TDRD7: variants seen among roughly 807,000 people sequenced by gnomAD.
TDRD7 encodes tudor domain containing 7.
TDRD7 carries 47 observed loss-of-function variants against 109.8 expected under a neutral mutation model. The observed-to-expected ratio is 0.43, with a 90% CI of 0.34 to 0.55. The LOEUF is 0.55. TDRD7 is among the 20% of genes least tolerant of loss of function. TDRD7 has a pLI of 0.03. For synonymous variants in TDRD7, 424 were observed against 457.3 expected (o/e 0.93, Z 0.93); for missense variants, 1,164 against 1,319.2 (o/e 0.88, Z 1.82).
chr9:97,443,751 C>T (rs891708872), intron 6 of TDRD7, among the ~76,000 whole-genome samples: 12 of 152,164 alleles, frequency 7.9e-5, no homozygotes, highest in Admixed American at 2.0e-4. Context: ...TAGGGGATAC[C>T]TGTGCAGGTT....
rs180678664 is a variant in TDRD7 at position 97,486,242 on chromosome 9, T to C, written c.2916-930T>C. 3.2e-4 allele frequency among the ~76,000 whole-genome samples: 48 copies of C among 152,324 alleles called. 2 individuals are homozygous for C. The East Asian group carries it at 6.4e-3, about 20-fold the overall frequency. ...AGACCACCTCCATAGACACTTTCTTTCAGCTGTTAGGAACAATCTTCCTTT... is the reference window on the plus strand; with the variant it reads ...AGACCACCTCCATAGACACTTTCTTCCAGCTGTTAGGAACAATCTTCCTTT... On this transcript the variant is annotated intron_variant, in intron 15 of 16. Coordinates refer to ENST00000355295, the MANE Select transcript of TDRD7 (RefSeq NM_014290.3).
chr9:97,439,942 C>T (rs1828272741), intron 5 of TDRD7, among the ~76,000 whole-genome samples: 1 of 152,062 alleles, frequency 6.6e-6, no homozygotes, highest in Non-Finnish European at 1.5e-5. Flanking sequence ...ATAGACCCAC[C>T]CAGGGAGACA....
chr9:97,430,789 T>C (rs1414375270), intron 2 of TDRD7, 144 bp from the exon 3 acceptor site: 5 of 942,574 alleles, frequency 5.3e-6, no homozygotes, highest in Non-Finnish European at 8.4e-6. Context: ...CTTCTAGCAT[T>C]ATCAAGGAGC....
At chr9:97,490,634 C>A (rs183715881) in intron 16 of TDRD7, among the ~76,000 whole-genome samples, 1 of 148,858 alleles carries the variant, frequency 6.7e-6, no homozygotes, top group South Asian at 2.1e-4. Context: ...TGGAGAAATT[C>A]TCAGTCATTA....
At chr9:97,444,281 A>AATC (rs1306117082) in intron 6 of TDRD7, among the ~76,000 whole-genome samples, 4 of 152,306 alleles carry the variant, frequency 2.6e-5, no homozygotes, top group Admixed American at 1.3e-4. Context: ...GTTCAGATAT[A>AATC]ATCAGTACCA....
intron 1 of TDRD7, among the ~76,000 whole-genome samples, chr9:97,423,409 T>C (rs916191511): frequency 6.6e-6 from 1 of 152,012 alleles, no homozygotes; most frequent in African/African-American, 2.4e-5. Flanking sequence ...TTTTTTTTTT[T>C]TCTATGTTTC....
intron 13 of TDRD7, chr9:97,480,366 G>A (rs868618142): frequency 1.5e-5 from 3 of 204,984 alleles, no homozygotes; most frequent in South Asian, 1.8e-4. Flanking sequence ...TGGTACCCAC[G>A]AGGTACTCAG....
chr9:97,460,557 A>G lies in TDRD7; in HGVS notation c.1235A>G (p.Lys412Arg). 6.2e-7 allele frequency: 1 copy of G among 1,614,216 alleles called. No individual in the cohort carries two copies. The highest frequency in any genetic ancestry group is 8.5e-7 in the Non-Finnish European group (1 of 1,180,028). Residue 412 changes from lysine (K) to arginine (R), a missense_variant, in exon 7 of 17, where the codon AAA becomes AGA. Physicochemically the swap from Lys to Arg is conservative, Grantham distance 26 (BLOSUM62 2). Transcript: ENST00000355295. ...LYAKLPLPTD[K>R]IQKDAGQAHG... ...GCTAAACTTCCATTGCCCACTGACA[A>G]AATCCAAAAGGATGCAGGGCAAGCA...
chr9:97,463,783 C>G (rs189284532), intron 7 of TDRD7, among the ~76,000 whole-genome samples: 51 of 152,128 alleles, frequency 3.4e-4, no homozygotes, highest in African/African-American at 1.2e-3. Context: ...ACAAGGTGAC[C>G]ACAGTTGTCA....
At chr9:97,414,218 C>T (rs1350469499) in intron 1 of TDRD7, among the ~76,000 whole-genome samples, 1 of 152,202 alleles carries the variant, frequency 6.6e-6, no homozygotes. Context: ...CATTATTTCC[C>T]TGTAAGCCAA....
At chr9:97,480,988 G>A (rs750593733) in intron 14 of TDRD7, 50 bp downstream of exon 14, 1 of 1,502,722 alleles carries the variant, frequency 6.7e-7, no homozygotes, top group Non-Finnish European at 9.3e-7. Flanking sequence ...GCTGGCAGCT[G>A]TCAGGGCTCA....
intron 6 of TDRD7, among the ~76,000 whole-genome samples, chr9:97,458,932 A>G (rs1828664280): frequency 6.6e-6 from 1 of 152,188 alleles, no homozygotes; most frequent in African/African-American, 2.4e-5. Context: ...AGTGTTCTTT[A>G]CTAATAAGCT....
At chr9:97,442,881 C>A (rs1041308068) in intron 6 of TDRD7, among the ~76,000 whole-genome samples, 1 of 152,046 alleles carries the variant, frequency 6.6e-6, no homozygotes, top group Non-Finnish European at 1.5e-5. Flanking sequence ...CTGCAACCTT[C>A]GCCTCCAGGG....
intron 6 of TDRD7, among the ~76,000 whole-genome samples, chr9:97,449,706 G>A (rs1485224070): frequency 6.6e-6 from 1 of 152,290 alleles, no homozygotes; most frequent in East Asian, 1.9e-4. Context: ...TTGACCTTCA[G>A]TGCCTCTTCC....
rs574948318 is a variant in TDRD7, at chr9:97,489,688, A to G, written c.3076+2356A>G. ...TGGATTAACATCTACCATATTTGTT[A>G]CTGTTTTCTATTTGTTTTCCTTGTT... On this transcript the variant is annotated intron_variant, in intron 16 of 16. Transcript: ENST00000355295. Among the ~76,000 whole-genome samples the G allele has an allele frequency of 1.6e-3, 236 of 152,016 alleles. 1 individual carries two copies. Among genetic ancestry groups the G allele is most frequent in the Non-Finnish European group, 2.8e-3 (191 of 67,962 alleles).
intron 8 of TDRD7, among the ~76,000 whole-genome samples, chr9:97,469,005 T>C (rs1828867146): frequency 6.6e-6 from 1 of 152,204 alleles, no homozygotes; most frequent in Non-Finnish European, 1.5e-5. Flanking sequence ...GAAAAGAAGC[T>C]ACAAACAGTT....
At chr9:97,482,815 G>C (rs1280625614) in intron 14 of TDRD7, 34 bp from the exon 15 acceptor site, 2 of 1,610,166 alleles carry the variant, frequency 1.2e-6, no homozygotes, top group Non-Finnish European at 1.7e-6. Flanking sequence ...ATGTGAACTT[G>C]TATTTCTTAT....
At chr9:97,427,855 A>G (rs1828027598) in intron 1 of TDRD7, among the ~76,000 whole-genome samples, 1 of 152,052 alleles carries the variant, frequency 6.6e-6, no homozygotes, top group East Asian at 1.9e-4. Context: ...TATCTTCTCC[A>G]TTGCTGAGTA....
At chr9:97,491,302 T>C (rs1049437806) in intron 16 of TDRD7, among the ~76,000 whole-genome samples, 2 of 152,248 alleles carry the variant, frequency 1.3e-5, no homozygotes, top group African/African-American at 4.8e-5. Context: ...TCTTAAATTT[T>C]GTCTGCTTTT....
Sources: allele counts gnomAD v4.1 joint callset (sites outside exome capture counted in the v4.1 genomes callset), GRCh38; gene constraint gnomAD v4.1.1; transcripts MANE v1.5; gene names NCBI Gene and HGNC (gene_info 2026-07-23, HGNC 2026-07-21).